ANO2: variants seen among roughly 807,000 people sequenced by gnomAD.
The protein encoded by ANO2 is anoctamin-2.
Under a neutral mutation model 124.2 loss-of-function variants are expected in ANO2, and 101 were observed. The ratio of observed to expected loss-of-function variants is 0.81; its 90% confidence interval spans 0.69 to 0.96. The LOEUF is 0.96. Among genes scored for constraint, ANO2 ranks in the 40% least tolerant of loss-of-function variants. The probability of loss-of-function intolerance (pLI) is 0.00; values close to 1 mark genes in which losing one functional copy is unlikely to be tolerated. For missense variants in ANO2, 1,293 were observed against 1,274.5 expected, an observed-to-expected ratio of 1.01 and a Z score of -0.22; for synonymous variants, 486 against 482.5, an observed-to-expected ratio of 1.01 and a Z score of -0.09.
At chr12:5,717,534 A>T (rs1950067162) in intron 14 of ANO2, among the ~76,000 whole-genome samples, 1 of 152,154 alleles carries the variant, frequency 6.6e-6, no homozygotes, top group African/African-American at 2.4e-5. Flanking sequence ...CCCAAACTTG[A>T]AGGCTCTGTA....
At chr12:5,945,461 G>C (rs148451754), upstream of ANO2, among the ~76,000 whole-genome samples, 2 of 152,252 alleles carry the variant, frequency 1.3e-5, no homozygotes, top group African/African-American at 4.8e-5. Flanking sequence ...GCGGTCCCGC[G>C]GCCGGGTTGA....
At chr12:5,779,217 G>A (rs1284230032) in intron 10 of ANO2, among the ~76,000 whole-genome samples, 1 of 152,204 alleles carries the variant, frequency 6.6e-6, no homozygotes, top group African/African-American at 2.4e-5. Context: ...CACTCAGTAA[G>A]ACTTTTTTCA....
chr12:5,808,946 C>G (rs752052515), intron 7 of ANO2, among the ~76,000 whole-genome samples: 1 of 152,138 alleles, frequency 6.6e-6, no homozygotes. Flanking sequence ...AGCAGAGGCC[C>G]GCGGCAGGCT....
chr12:5,824,260 T>C lies in ANO2; in HGVS notation c.892+3509A>G, dbSNP rs188756605. Reference sequence around the variant, plus strand: ...AAATGGGTTTTTCTTTTCTATCATATAGTCAGGCTGCAAATTTTCCAAACT... The same window carrying C: ...AAATGGGTTTTTCTTTTCTATCATACAGTCAGGCTGCAAATTTTCCAAACT... On this transcript the variant is annotated intron_variant, in intron 7 of 24. Transcript: ENST00000682330. 2.0e-4 allele frequency among the ~76,000 whole-genome samples: 31 copies of C among 152,328 alleles called. No individual in the cohort carries two copies. In the East Asian group the frequency reaches 4.6e-3, roughly 23 times the overall value.
intron 4 of ANO2, among the ~76,000 whole-genome samples, chr12:5,843,643 A>C (rs959151914): frequency 5.3e-5 from 8 of 151,220 alleles, no homozygotes; most frequent in Admixed American, 5.3e-4. Flanking sequence ...AACTATCAAA[A>C]ACAGTTCCGA....
At position 5,653,830 on chromosome 12, in the gene ANO2, C is replaced by T. The variant is rs564340951; in HGVS notation, c.1546-6029G>A. Among the ~76,000 whole-genome samples the T allele has an allele frequency of 1.1e-4, 16 of 152,220 alleles. 1 individual carries two copies. In the East Asian group the frequency reaches 2.7e-3, roughly 26 times the overall value. ...GAGGATTAAAGAGAGACTTCAATGACTAGGAGACATTTCAACTGTGATTAA... is the reference window on the plus strand; with the variant it reads ...GAGGATTAAAGAGAGACTTCAATGATTAGGAGACATTTCAACTGTGATTAA... On this transcript the variant is annotated intron_variant, in intron 14 of 24. Transcript: ENST00000682330.
chr12:5,816,782 C>G (rs925324785), intron 7 of ANO2, among the ~76,000 whole-genome samples: 18 of 152,078 alleles, frequency 1.2e-4, no homozygotes. Context: ...CCCCTGTGTC[C>G]CAACTGCACT....
chr12:5,694,284 A>AGAGAGAGAGAGAGAGAGAGAGAG (rs55758114), intron 14 of ANO2, among the ~76,000 whole-genome samples: 1 of 150,930 alleles, frequency 6.6e-6, no homozygotes, highest in African/African-American at 2.4e-5. Flanking sequence ...AGAGAGAGAG[A>AGAGAGAGAGAGAGAGAGAGAGAG]ATAAAACAGA....
intron 14 of ANO2, among the ~76,000 whole-genome samples, chr12:5,680,579 C>T (rs572152950): frequency 2.1e-4 from 32 of 152,250 alleles, no homozygotes; most frequent in African/African-American, 7.5e-4. Context: ...CCTTAGGAGA[C>T]ATGGAAATTG....
At chr12:5,701,131 T>C (rs1400737086) in intron 14 of ANO2, among the ~76,000 whole-genome samples, 3 of 144,518 alleles carry the variant, frequency 2.1e-5, no homozygotes, top group Non-Finnish European at 4.5e-5. Context: ...TCTCACTCTG[T>C]CGCCCGGGCA....
chr12:5,590,999 G>A (rs969225226), intron 20 of ANO2, among the ~76,000 whole-genome samples: 5 of 152,136 alleles, frequency 3.3e-5, no homozygotes, highest in African/African-American at 7.2e-5. Context: ...CCTGGTCATG[G>A]TGAAACCCCG....
At chr12:5,740,505 C>T (rs1291360360) in intron 12 of ANO2, 1 of 154,196 alleles carries the variant, frequency 6.5e-6, no homozygotes, top group African/African-American at 2.4e-5. Flanking sequence ...ATTGGGTGAA[C>T]TTCATGTGGA....
intron 24 of ANO2, among the ~76,000 whole-genome samples, 181 bp downstream of exon 24, chr12:5,565,377 C>T (rs1941685832): frequency 6.6e-6 from 1 of 152,132 alleles, no homozygotes; most frequent in African/African-American, 2.4e-5. Context: ...TAAAGAAAGC[C>T]CTCTCAAGAG....
intron 3 of ANO2, among the ~76,000 whole-genome samples, chr12:5,915,125 G>A (rs1009665544): frequency 5.9e-5 from 9 of 152,162 alleles, no homozygotes; most frequent in Non-Finnish European, 1.0e-4. Context: ...AGCACCAACA[G>A]GTGGCCCTCA....
intron 14 of ANO2, among the ~76,000 whole-genome samples, chr12:5,699,269 G>C (rs1949311011): frequency 6.6e-6 from 1 of 152,306 alleles, no homozygotes; most frequent in African/African-American, 2.4e-5. Context: ...CAAGCCAGAA[G>C]AGAGTGGGGG....
At chr12:5,830,353 GAGGGTA>G in intron 6 of ANO2, 76 bp downstream of exon 6, 10 of 1,398,488 alleles carry the variant, frequency 7.2e-6, no homozygotes, top group Non-Finnish European at 9.9e-6. Flanking sequence ...AGGTGGCAGG[GAGGGTA>G]AGAGAATGCC....
chr12:5,791,482 A>T (rs1186661561), intron 10 of ANO2, among the ~76,000 whole-genome samples: 1 of 152,178 alleles, frequency 6.6e-6, no homozygotes, highest in Non-Finnish European at 1.5e-5. Flanking sequence ...AGAAGACCAC[A>T]CCATGGTTTT....
Position 5,575,916 on chromosome 12 carries a change from G to C in ANO2, c.2539C>G (p.Leu847Val). The change falls in exon 23 of 25, where the codon CTC becomes GTC. Residue 847 changes from leucine (L) to valine (V), a missense_variant. Leu to Val is a conservative substitution (Grantham distance 32). Coordinates refer to ENST00000682330, the MANE Select transcript of ANO2 (RefSeq NM_001364791.2). ...GTLHGFVNHT[L>V]SFFNVSQLKE... ...AGCTGGCTGACGTTGAAAAAGGAGA[G>C]GGTGTGGTTGACAAAGCCGTGCAGA... The C allele has an allele frequency of 6.2e-7, 1 of 1,613,732 alleles. No homozygotes were observed. The highest frequency in any genetic ancestry group is 8.5e-7 in the Non-Finnish European group (1 of 1,179,810).
At chr12:5,780,172 T>A (rs1386503636) in intron 10 of ANO2, among the ~76,000 whole-genome samples, 1 of 152,218 alleles carries the variant, frequency 6.6e-6, no homozygotes, top group Admixed American at 6.5e-5. Context: ...TAATAACATG[T>A]CCATATTATT....
Sources: allele counts gnomAD v4.1 joint callset (sites outside exome capture counted in the v4.1 genomes callset), GRCh38; gene constraint gnomAD v4.1.1; transcripts MANE v1.5; gene names NCBI Gene and HGNC (gene_info 2026-07-23, HGNC 2026-07-21).